BRINP1: variants seen among roughly 807,000 people sequenced by gnomAD.
The protein encoded by BRINP1 is BMP/retinoic acid-inducible neural-specific protein 1.
Under a neutral mutation model 72.9 loss-of-function variants are expected in BRINP1, and 17 were observed. The observed-to-expected ratio is 0.23, with a 90% confidence interval of 0.16 to 0.35. BRINP1 has a LOEUF of 0.35. Ranked by LOEUF, BRINP1 falls within the 10% of genes least tolerant of loss-of-function variation. The pLI is 1.00. For synonymous variants in BRINP1, 418 were observed against 378.5 expected (o/e 1.10, Z -1.21); for missense variants, 850 against 1,001.6 (o/e 0.85, Z 2.04).
At chr9:119,290,266 C>T (rs976299524) in intron 2 of BRINP1, among the ~76,000 whole-genome samples, 4 of 152,178 alleles carry the variant, frequency 2.6e-5, no homozygotes, top group Non-Finnish European at 5.9e-5. Context: ...GTGAATTATG[C>T]AACCTTTCAC....
At chr9:119,277,234 T>C (rs548326647) in intron 2 of BRINP1, among the ~76,000 whole-genome samples, 2 of 152,338 alleles carry the variant, frequency 1.3e-5, no homozygotes, top group South Asian at 4.1e-4. Context: ...TTTCTGTCTT[T>C]ATTTTTCCCT....
At chr9:119,173,698 A>AAAAG (rs946780041) in intron 7 of BRINP1, among the ~76,000 whole-genome samples, 3 of 144,152 alleles carry the variant, frequency 2.1e-5, no homozygotes, top group African/African-American at 8.3e-5. Context: ...ATCCTAAGCC[A>AAAAG]AAAGAACAAA....
intron 1 of BRINP1, among the ~76,000 whole-genome samples, chr9:119,367,671 C>T (rs1831709415): frequency 6.6e-6 from 1 of 152,190 alleles, no homozygotes; most frequent in Non-Finnish European, 1.5e-5. Context: ...CCACCGCCCC[C>T]CTGCCCTTGG....
chr9:119,290,102 A>G (rs912825523), intron 2 of BRINP1, among the ~76,000 whole-genome samples: 4 of 152,236 alleles, frequency 2.6e-5, no homozygotes, highest in Non-Finnish European at 5.9e-5. Context: ...AAAGAACAAC[A>G]ACAATAATTT....
chr9:119,245,451 T>A (rs1055736101), intron 3 of BRINP1, among the ~76,000 whole-genome samples: 8 of 152,222 alleles, frequency 5.3e-5, no homozygotes, highest in Middle Eastern at 3.2e-3. Flanking sequence ...CCAAGGTGGT[T>A]CCTGCAGCCC....
At chr9:119,198,175 T>C (rs1829760405) in intron 7 of BRINP1, among the ~76,000 whole-genome samples, 1 of 152,254 alleles carries the variant, frequency 6.6e-6, no homozygotes, top group Non-Finnish European at 1.5e-5. Flanking sequence ...ATTTATATGT[T>C]TTTAAGTTAA....
chr9:119,355,374 G>A (rs1472503560), intron 1 of BRINP1, among the ~76,000 whole-genome samples: 1 of 152,118 alleles, frequency 6.6e-6, no homozygotes, highest in Non-Finnish European at 1.5e-5. Flanking sequence ...TTGTACATGC[G>A]ACATTCATTC....
At chr9:119,184,355 T>G (rs1829592908) in intron 7 of BRINP1, among the ~76,000 whole-genome samples, 1 of 152,112 alleles carries the variant, frequency 6.6e-6, no homozygotes, top group Non-Finnish European at 1.5e-5. Flanking sequence ...CACTACCTTT[T>G]TTTTCCTGCC....
At chr9:119,343,263 G>C (rs1173971441) in intron 1 of BRINP1, among the ~76,000 whole-genome samples, 1 of 152,172 alleles carries the variant, frequency 6.6e-6, no homozygotes, top group Non-Finnish European at 1.5e-5. Context: ...TGCCTACGGG[G>C]AATGAGATAT....
chr9:119,337,208 G>A (rs1006566506), intron 1 of BRINP1, among the ~76,000 whole-genome samples: 2 of 152,122 alleles, frequency 1.3e-5, no homozygotes, highest in East Asian at 1.9e-4. Context: ...AATTTTTAGC[G>A]CATCACCACT....
chr9:119,166,985 T>A lies in BRINP1; in HGVS notation c.*99A>T. On this transcript the variant is annotated 3_prime_UTR_variant, in exon 8 of 8. Transcript: ENST00000265922. ...TCCTTTTCTTTGAATATTAATTACA[T>A]TTTACAAATTTTTGTGGGTTTTTTT... is the stretch of plus-strand genomic sequence containing the variant. 7.8e-7 allele frequency: 1 copy of A among 1,288,824 alleles called. No individual in the cohort carries two copies. The highest frequency in any genetic ancestry group is 1.5e-5 in the South Asian group (1 of 66,838). The allele number at this position is 1,288,824 out of a possible 1,614,324, so 79.8% of individuals were successfully genotyped here. A position where few individuals can be genotyped will look rare whatever the true frequency, so the allele number is the denominator to read the frequency against.
chr9:119,271,324 C>A (rs201749417), intron 2 of BRINP1, among the ~76,000 whole-genome samples: 103 of 142,578 alleles, frequency 7.2e-4, no homozygotes, highest in Non-Finnish European at 8.3e-4. Flanking sequence ...CCAGAAGGAC[C>A]AAAAAAAAAA....
At chr9:119,249,853 AGGGAGGGAG>A (rs1357421192) in intron 2 of BRINP1, among the ~76,000 whole-genome samples, 1 of 49,934 alleles carries the variant, frequency 2.0e-5, no homozygotes, top group African/African-American at 1.0e-4. Flanking sequence ...GAAGGAAGGA[AGGGAGGGAG>A]GGAGGGAGGG....
Position 119,167,873 on chromosome 9 carries a change from G to C in BRINP1, c.1497C>G (p.Leu499=). 1.9e-6 allele frequency: 3 copies of C among 1,614,238 alleles called. No individual in the cohort carries two copies. The highest frequency in any genetic ancestry group is 2.5e-6 in the Non-Finnish European group (3 of 1,180,042). The change falls in exon 8 of 8, where the codon CTC becomes CTG. Residue 499 remains leucine (L), a synonymous_variant. Transcript: ENST00000265922. This position sits in a 1 kb window ranked among gnomAD's most constrained non-coding sequence, Gnocchi z 4.3. ...KYLLQKMDSR[L]YVHTTFISNE... The stretch of plus-strand genomic sequence containing the variant: ...TGCTGATGAAGGTGGTGTGGACGTA[G>C]AGGCGTGAGTCCATCTTCTGCAGCA...
chr9:119,203,930 A>G (rs1480674729), intron 7 of BRINP1, among the ~76,000 whole-genome samples: 2 of 152,166 alleles, frequency 1.3e-5, no homozygotes, highest in African/African-American at 4.8e-5. Flanking sequence ...CACACCCTTG[A>G]AGCCAGGTTA....
At chr9:119,186,569 C>T (rs925188741) in intron 7 of BRINP1, among the ~76,000 whole-genome samples, 3 of 152,106 alleles carry the variant, frequency 2.0e-5, no homozygotes, top group African/African-American at 7.2e-5. Context: ...GTAATTGGAG[C>T]TTTGGCCCAG....
intron 1 of BRINP1, among the ~76,000 whole-genome samples, chr9:119,354,389 A>G (rs2119035574): frequency 6.6e-6 from 1 of 152,308 alleles, no homozygotes; most frequent in East Asian, 1.9e-4. Context: ...AAGCAAGTGG[A>G]AAACATGGAG....
At chr9:119,282,567 G>A (rs957992684) in intron 2 of BRINP1, among the ~76,000 whole-genome samples, 11 of 152,108 alleles carry the variant, frequency 7.2e-5, no homozygotes, top group African/African-American at 2.7e-4. Flanking sequence ...AAAAATGGGT[G>A]ATAAAAGAAA....
At chr9:119,257,951 A>G (rs1225931795) in intron 2 of BRINP1, among the ~76,000 whole-genome samples, 1 of 152,188 alleles carries the variant, frequency 6.6e-6, no homozygotes, top group Non-Finnish European at 1.5e-5. Flanking sequence ...CTCTCAGGGC[A>G]TTTTGGCTCC....
Sources: gnomAD v4.1 joint callset for allele counts (sites outside exome capture counted in the v4.1 genomes callset) on GRCh38, gnomAD v4.1.1 for gene constraint, Gnocchi (gnomAD v3.1) non-coding constraint, MANE v1.5 for transcripts, NCBI Gene and HGNC (gene_info 2026-07-23, HGNC 2026-07-21) for gene names.